ARHGAP39: variants seen among roughly 807,000 people sequenced by gnomAD.
ARHGAP39 encodes the protein rho GTPase-activating protein 39.
Under a neutral mutation model 106.9 loss-of-function variants are expected in ARHGAP39, and 44 were observed. The observed-to-expected ratio is 0.41, with a 90% CI of 0.32 to 0.53. The LOEUF (loss-of-function observed/expected upper bound fraction) is 0.53. Ranked by LOEUF, ARHGAP39 falls within the 20% of genes least tolerant of loss-of-function variation. ARHGAP39 has a pLI of 0.21. For synonymous variants in ARHGAP39, 768 were observed against 693.2 expected, an observed-to-expected ratio of 1.11 and a Z score of -1.69; for missense variants, 1,496 against 1,577.3, an observed-to-expected ratio of 0.95 and a Z score of 0.87.
chr8:144,645,665 A>G lies in ARHGAP39; in HGVS notation c.-81-39970T>C, dbSNP rs905715236. 5.9e-5 allele frequency among the ~76,000 whole-genome samples: 9 copies of G among 152,262 alleles called. No individual in the cohort carries two copies. The highest frequency in any genetic ancestry group is 2.2e-4 in the African/African-American group (9 of 41,464). On this transcript the variant is annotated intron_variant, in intron 1 of 11. Transcript: ENST00000377307. This position sits in a 1 kb window ranked among gnomAD's most constrained non-coding sequence, Gnocchi z 4.4. ...TGAAAGACATGACATGTAAAGTGCAAACATGAGGGATTCTTATCCTCTAGA... is the reference window on the plus strand; with the variant it reads ...TGAAAGACATGACATGTAAAGTGCAGACATGAGGGATTCTTATCCTCTAGA...
chr8:144,559,989 T>C (rs1171915568), intron 3 of ARHGAP39, among the ~76,000 whole-genome samples: 1 of 152,272 alleles, frequency 6.6e-6, no homozygotes, highest in African/African-American at 2.4e-5. Context: ...ACTTTGAATT[T>C]TGTGTGCTTG....
chr8:144,688,096 C>CATTTAACTCT (rs1454453517), upstream of ARHGAP39, among the ~76,000 whole-genome samples: 1 of 151,526 alleles, frequency 6.6e-6, no homozygotes, highest in Non-Finnish European at 1.5e-5. Context: ...TTATAGAGGA[C>CATTTAACTCT]ATTTAACTCT....
chr8:144,542,390 G>A (rs1817229855), intron 6 of ARHGAP39, among the ~76,000 whole-genome samples: 1 of 151,928 alleles, frequency 6.6e-6, no homozygotes, highest in East Asian at 1.9e-4. Context: ...TGGCCGATGA[G>A]TCAAAGGCTC....
intron 1 of ARHGAP39, chr8:144,683,367 A>ATTT (rs1822480186): frequency 7.1e-6 from 1 of 140,352 alleles, no homozygotes; most frequent in African/African-American, 2.6e-5. Flanking sequence ...TTTTTTTTTG[A>ATTT]GACAGAGTCT....
chr8:144,552,496 T>C (rs1052691408), intron 4 of ARHGAP39, among the ~76,000 whole-genome samples: 3 of 152,320 alleles, frequency 2.0e-5, no homozygotes, highest in East Asian at 1.9e-4. Flanking sequence ...CAAGAAACCA[T>C]ACGTCTGAAA....
rs139602402 is a variant in ARHGAP39 at position 144,541,177 on chromosome 8, C to T, written c.2522-3364G>A. Among the ~76,000 whole-genome samples, 1,030 of 152,298 alleles carry T rather than the reference C, an allele frequency of 6.8e-3. 2 individuals carry two copies. The highest frequency in any genetic ancestry group is 0.011 in the Non-Finnish European group (718 of 68,026). On this transcript the variant is annotated intron_variant, in intron 6 of 11. Transcript: ENST00000377307. ...CCTTTGCTTCTTAAGCAGTTTTAACCAATCCTTTGTTTCCAGCTTCAGGGT... is the reference window on the plus strand; with the variant it reads ...CCTTTGCTTCTTAAGCAGTTTTAACTAATCCTTTGTTTCCAGCTTCAGGGT...
At chr8:144,629,645 G>C (rs942715966) in intron 1 of ARHGAP39, among the ~76,000 whole-genome samples, 2 of 152,236 alleles carry the variant, frequency 1.3e-5, no homozygotes, top group Admixed American at 6.5e-5. Context: ...AAAAGTAGCA[G>C]CTTTGTGTGG....
chr8:144,537,961 C>T lies in ARHGAP39; in HGVS notation c.2522-148G>A, dbSNP rs940008521. The T allele has an allele frequency of 2.5e-5, 17 of 687,794 alleles. No individual in the cohort carries two copies. In the Admixed American group the frequency reaches 2.8e-4, roughly 11 times the overall value. 42.6% of individuals were successfully genotyped at this position (687,794 alleles called of 1,614,324 possible). A position where few individuals can be genotyped will look rare whatever the true frequency, so the allele number is the denominator to read the frequency against. ...TGGGGGCTGAGCGTTTCTGGGGGGACGTGGCTGTGTGAGTGGCAGAGAGGT... is the reference window on the plus strand; with the variant it reads ...TGGGGGCTGAGCGTTTCTGGGGGGATGTGGCTGTGTGAGTGGCAGAGAGGT... On this transcript the variant is annotated intron_variant, in intron 6 of 11. Transcript: ENST00000377307.
At chr8:144,697,493 T>C in the ARHGAP39 span, among the ~76,000 whole-genome samples, 1 of 152,142 alleles carries the variant, frequency 6.6e-6, no homozygotes, top group African/African-American at 2.4e-5. Flanking sequence ...ATTTAGCATA[T>C]GTGGATGGAA....
intron 2 of ARHGAP39, among the ~76,000 whole-genome samples, chr8:144,596,653 C>T (rs1368946839): frequency 3.9e-5 from 6 of 152,150 alleles, no homozygotes; most frequent in Non-Finnish European, 8.8e-5. Flanking sequence ...TCTTGGGCCT[C>T]CTGCACACAG....
chr8:144,652,349 G>C (rs1401017688), intron 1 of ARHGAP39, among the ~76,000 whole-genome samples: 1 of 152,176 alleles, frequency 6.6e-6, no homozygotes, highest in Non-Finnish European at 1.5e-5. Flanking sequence ...ATTGTGGAAA[G>C]CAGTATTCCT....
intron 1 of ARHGAP39, among the ~76,000 whole-genome samples, chr8:144,640,873 C>T (rs991910745): frequency 1.3e-5 from 2 of 152,126 alleles, no homozygotes; most frequent in Non-Finnish European, 2.9e-5. Flanking sequence ...AACGAAGCCA[C>T]GTTTTCCGAT....
intron 2 of ARHGAP39, among the ~76,000 whole-genome samples, chr8:144,601,961 G>C (rs1318340105): frequency 4.3e-5 from 6 of 140,532 alleles, no homozygotes; most frequent in African/African-American, 1.6e-4. Context: ...GTGTACCTGT[G>C]TTCATGTGCG....
Position 144,666,809 on chromosome 8 carries a change from C to T in ARHGAP39, c.-82+18877G>A, listed in dbSNP as rs746358782. On this transcript the variant is annotated intron_variant, in intron 1 of 11. Coordinates refer to ENST00000377307, the MANE Select transcript of ARHGAP39 (RefSeq NM_025251.3). ...AAAGGCGATCAGTGCTGGACAACACCCGGAGTGCTCCAGTTCTCACAGCAA... is the reference window on the plus strand; with the variant it reads ...AAAGGCGATCAGTGCTGGACAACACTCGGAGTGCTCCAGTTCTCACAGCAA... 1.2e-3 allele frequency among the ~76,000 whole-genome samples: 188 copies of T among 152,256 alleles called. 3 individuals carry two copies. The highest frequency in any genetic ancestry group is 7.8e-4 in the Admixed American group (12 of 15,294).
intron 1 of ARHGAP39, among the ~76,000 whole-genome samples, chr8:144,642,065 A>G (rs889261130): frequency 3.9e-5 from 6 of 152,224 alleles, no homozygotes; most frequent in Non-Finnish European, 7.3e-5. Flanking sequence ...ACTAACACAG[A>G]TGTGGCTTAC....
rs948381688 is a variant in ARHGAP39, at chr8:144,644,747, G to A, written c.-81-39052C>T. On this transcript the variant is annotated intron_variant, in intron 1 of 11. Transcript: ENST00000377307. This position sits in a 1 kb window ranked among gnomAD's most constrained non-coding sequence, Gnocchi z 4.8. Reference sequence around the variant, plus strand: ...CGTCCCTGTCCGTGACTTCGCACCTGGCCTTTCAGCACCAGGTGTCTGCAC... The same window carrying A: ...CGTCCCTGTCCGTGACTTCGCACCTAGCCTTTCAGCACCAGGTGTCTGCAC... 6.6e-6 allele frequency among the ~76,000 whole-genome samples: 1 copy of A among 152,166 alleles called. No individual in the cohort carries two copies. The highest frequency in any genetic ancestry group is 1.5e-5 in the Non-Finnish European group (1 of 68,026).
chr8:144,628,434 G>A (rs970379880), intron 1 of ARHGAP39, among the ~76,000 whole-genome samples: 2 of 152,190 alleles, frequency 1.3e-5, no homozygotes, highest in African/African-American at 4.8e-5. Context: ...GCAGCACAGA[G>A]GGCATTCCGG....
intron 4 of ARHGAP39, among the ~76,000 whole-genome samples, chr8:144,555,060 G>A (rs1394288722): frequency 1.3e-5 from 2 of 152,200 alleles, no homozygotes; most frequent in African/African-American, 4.8e-5. Context: ...GGATATCCTG[G>A]GAGGTGGAGG....
At chr8:144,600,679 C>T (rs149254957) in intron 2 of ARHGAP39, among the ~76,000 whole-genome samples, 300 of 133,916 alleles carry the variant, frequency 2.2e-3, no homozygotes, top group Middle Eastern at 6.3e-3. Flanking sequence ...TGTGTACCTG[C>T]GTGTGCGTGT....
Sources: gnomAD v4.1 joint callset for allele counts (sites outside exome capture counted in the v4.1 genomes callset) on GRCh38, gnomAD v4.1.1 for gene constraint, Gnocchi (gnomAD v3.1) non-coding constraint, MANE v1.5 for transcripts, NCBI Gene and HGNC (gene_info 2026-07-23, HGNC 2026-07-21) for gene names.